Variants in CEMIP observed in about 807,000 individuals in gnomAD.
The protein encoded by CEMIP is cell migration inducing hyaluronidase 1.
Under a neutral mutation model 156.9 loss-of-function variants are expected in CEMIP, and 105 were observed. That is an observed-to-expected ratio of 0.67 (90% confidence interval 0.57 to 0.79). CEMIP has a LOEUF of 0.79. Ranked by LOEUF, CEMIP falls within the 30% of genes least tolerant of loss-of-function variation. The pLI, the probability that CEMIP is intolerant of heterozygous loss-of-function variation, is 0.00. For missense variants in CEMIP, 1,457 were observed against 1,769.4 expected, an observed-to-expected ratio of 0.82 and a Z score of 3.17; for synonymous variants, 676 against 668.4, an observed-to-expected ratio of 1.01 and a Z score of -0.17.
chr15:80,896,107 T>C, intron 12 of CEMIP, 47 bp downstream of exon 12: 1 of 1,582,706 alleles, frequency 6.3e-7, no homozygotes, highest in Non-Finnish European at 8.7e-7. Context: ...ATCTGAAAAT[T>C]GTTAGGCTTA....
intron 1 of CEMIP, among the ~76,000 whole-genome samples, chr15:80,861,215 A>T (rs1406620025): frequency 1.3e-5 from 2 of 152,138 alleles, no homozygotes; most frequent in African/African-American, 4.8e-5. Flanking sequence ...AAATTCCAGC[A>T]GAGACCTCCA....
At chr15:80,819,351 G>T (rs1369725160) in intron 1 of CEMIP, among the ~76,000 whole-genome samples, 1 of 152,172 alleles carries the variant, frequency 6.6e-6, no homozygotes, top group Admixed American at 6.5e-5. Context: ...TCATGGCAGG[G>T]TTGGGTCCTG....
intron 19 of CEMIP, among the ~76,000 whole-genome samples, chr15:80,928,663 A>G (rs979508750): frequency 2.6e-5 from 4 of 152,096 alleles, no homozygotes; most frequent in Non-Finnish European, 4.4e-5. Flanking sequence ...GAATGTGGAG[A>G]GCCACAGGGG....
At chr15:80,831,250 G>A (rs1897150628) in intron 1 of CEMIP, among the ~76,000 whole-genome samples, 4 of 152,172 alleles carry the variant, frequency 2.6e-5, no homozygotes, top group African/African-American at 9.7e-5. Flanking sequence ...GCAAGGTTGT[G>A]AATTATAGAA....
At chr15:80,796,509 A>G (rs16972374) in intron 1 of CEMIP, among the ~76,000 whole-genome samples, 8,473 of 152,220 alleles carry the variant, frequency 0.056, 724 homozygotes, top group African/African-American at 0.19. Context: ...TTCTGGATGA[A>G]ATGCTCTTAT....
intron 1 of CEMIP, among the ~76,000 whole-genome samples, chr15:80,786,228 T>C (rs1167827930): frequency 1.3e-5 from 2 of 152,108 alleles, no homozygotes; most frequent in East Asian, 1.9e-4. Context: ...GTGGTTTGTG[T>C]TGCTATGTCT....
At chr15:80,934,784 C>T (rs1372033231) in intron 23 of CEMIP, among the ~76,000 whole-genome samples, 1 of 152,002 alleles carries the variant, frequency 6.6e-6, no homozygotes, top group African/African-American at 2.4e-5. Flanking sequence ...GGTGGCAGGG[C>T]TAGCATTTAG....
intron 1 of CEMIP, among the ~76,000 whole-genome samples, chr15:80,853,458 G>A (rs1242813252): frequency 1.3e-5 from 2 of 152,166 alleles, no homozygotes; most frequent in African/African-American, 2.4e-5. Flanking sequence ...GTGACTCTAG[G>A]AGGTCCATTT....
chr15:80,888,936 C>G (rs925151800), intron 9 of CEMIP, 140 bp downstream of exon 9: 1 of 788,046 alleles, frequency 1.3e-6, no homozygotes, highest in African/African-American at 1.7e-5. Flanking sequence ...AATGTGCAAC[C>G]AAAAGTTGTC....
chr15:80,802,576 T>C, intron 1 of CEMIP, among the ~76,000 whole-genome samples: 1 of 152,202 alleles, frequency 6.6e-6, no homozygotes, highest in East Asian at 1.9e-4. Flanking sequence ...CCATGGGGCG[T>C]GGGCTGGCGA....
At chr15:80,900,681 T>TTGTGTGTGTGTG (rs1168643189) in intron 12 of CEMIP, 1 of 293,644 alleles carries the variant, frequency 3.4e-6, no homozygotes, top group African/African-American at 2.6e-5. Flanking sequence ...TGTGTGTATT[T>TTGTGTGTGTGTG]TGTGTGTGTA....
chr15:80,799,272 G>A (rs1332400984), intron 1 of CEMIP, among the ~76,000 whole-genome samples: 1 of 152,224 alleles, frequency 6.6e-6, no homozygotes, highest in African/African-American at 2.4e-5. Context: ...ACAATGGGCT[G>A]CCAGCCGCCT....
intron 25 of CEMIP, among the ~76,000 whole-genome samples, chr15:80,939,191 A>G (rs1901248702): frequency 6.6e-6 from 1 of 152,204 alleles, no homozygotes; most frequent in Non-Finnish European, 1.5e-5. Flanking sequence ...CCTCCGCCCC[A>G]GGGAGCACTG....
rs1185478079 is a variant in CEMIP at position 80,951,167 on chromosome 15, T to A, written c.*2243T>A. The stretch of plus-strand genomic sequence containing the variant: ...TTTTGTTGAGTTTTCACTCTTCTAA[T>A]GCAAGGGTCTCACACTGTGAACCAC... On this transcript the variant is annotated 3_prime_UTR_variant, in exon 30 of 30. Transcript: ENST00000394685. The A allele has an allele frequency of 6.5e-6, 1 of 152,708 alleles. No homozygotes were observed. Among genetic ancestry groups the A allele is most frequent in the Non-Finnish European group, 1.5e-5 (1 of 68,052 alleles). The allele number at this position is 152,708 out of a possible 1,614,324, so 9.5% of individuals were successfully genotyped here. A position where few individuals can be genotyped will look rare whatever the true frequency, so the allele number is the denominator to read the frequency against.
intron 1 of CEMIP, among the ~76,000 whole-genome samples, chr15:80,781,659 AT>A (rs1266576504): frequency 8.2e-6 from 1 of 121,826 alleles, no homozygotes; most frequent in Non-Finnish European, 1.7e-5. Context: ...AACACCTCTT[AT>A]AAAAAAAAAT....
chr15:80,949,004 T>TC lies in CEMIP; in HGVS notation c.*85dup. On this transcript the variant is annotated 3_prime_UTR_variant, in exon 30 of 30. Transcript: ENST00000394685. The stretch of plus-strand genomic sequence containing the variant: ...AGCAGACCAGTGGGGGATGGCTGGG[T>TC]CCCCCAGCCCCTGCCAGCAGCTGCC... The TC allele has an allele frequency of 6.4e-7, 1 of 1,571,622 alleles. No individual in the cohort carries two copies. Among genetic ancestry groups the TC allele is most frequent in the Non-Finnish European group, 8.7e-7 (1 of 1,143,954 alleles).
At chr15:80,916,806 C>T (rs1436830684) in intron 14 of CEMIP, among the ~76,000 whole-genome samples, 1 of 152,200 alleles carries the variant, frequency 6.6e-6, no homozygotes, top group Non-Finnish European at 1.5e-5. Flanking sequence ...TCTACCCCCA[C>T]CCGAGGGCTG....
chr15:80,790,017 C>T (rs1256879700), intron 1 of CEMIP, among the ~76,000 whole-genome samples: 2 of 152,092 alleles, frequency 1.3e-5, no homozygotes, highest in African/African-American at 2.4e-5. Context: ...GAGCCCTGCT[C>T]ATGAAGGGCC....
At chr15:80,870,555 GT>G (rs1302255284) in intron 1 of CEMIP, among the ~76,000 whole-genome samples, 1 of 152,136 alleles carries the variant, frequency 6.6e-6, no homozygotes, top group Non-Finnish European at 1.5e-5. Flanking sequence ...CTGGACTCCG[GT>G]GCGGCTGGGC....
Sources: gnomAD v4.1 joint callset for allele counts (sites outside exome capture counted in the v4.1 genomes callset) on GRCh38, gnomAD v4.1.1 for gene constraint, MANE v1.5 for transcripts, NCBI Gene and HGNC (gene_info 2026-07-23, HGNC 2026-07-21) for gene names.